The following USPL1 variants were observed in gnomAD, a reference collection of about 807,000 sequenced individuals.
USPL1 encodes ubiquitin specific peptidase like 1.
USPL1 carries 27 observed loss-of-function variants against 51.5 expected under a neutral mutation model. That is an observed-to-expected ratio of 0.52 (90% confidence interval 0.39 to 0.72). The LOEUF (loss-of-function observed/expected upper bound fraction) is 0.72. Among genes scored for constraint, USPL1 ranks in the 30% least tolerant of loss-of-function variants. USPL1 has a pLI of 0.00. For synonymous variants in USPL1, 451 were observed against 459.6 expected, an observed-to-expected ratio of 0.98 and a Z score of 0.24; for missense variants, 1,226 against 1,268.0, an observed-to-expected ratio of 0.97 and a Z score of 0.50.
chr13:30,627,523 C>CT (rs5802579), intron 3 of USPL1, among the ~76,000 whole-genome samples: 47 of 144,378 alleles, frequency 3.3e-4, no homozygotes, highest in South Asian at 1.3e-3. Context: ...CTGTTTTGTT[C>CT]TTTTTTTTTT....
intron 7 of USPL1, among the ~76,000 whole-genome samples, chr13:30,651,512 A>G (rs187799355): frequency 1.8e-4 from 28 of 152,368 alleles, no homozygotes; most frequent in Non-Finnish European, 3.8e-4. Flanking sequence ...GTTATTTATC[A>G]CGTTAATATG....
chr13:30,647,145 C>A (rs1003338066), intron 7 of USPL1, 88 bp downstream of exon 7: 1 of 1,365,126 alleles, frequency 7.3e-7, no homozygotes, highest in Non-Finnish European at 1.0e-6. Context: ...ATGGTGACAA[C>A]AACTTACCTT....
chr13:30,650,574 CAAA>C lies in USPL1; in HGVS notation c.1239-2559_1239-2557del, dbSNP rs34074092. On this transcript the variant is annotated intron_variant, in intron 7 of 8. Transcript: ENST00000255304. ...CCTGGGCAACAGAGTGAGACTGTCT[CAAA>C]AAAAAAAAAAAAAAGAAAGAAATGC... Among the ~76,000 whole-genome samples, 234 of 123,184 alleles carry C rather than the reference CAAA, an allele frequency of 1.9e-3. 2 individuals carry two copies. The highest frequency in any genetic ancestry group is 5.6e-3 in the African/African-American group (196 of 34,858). The allele number at this position is 123,184 out of a possible 152,430, so 80.8% of individuals were successfully genotyped here.
At chr13:30,641,711 G>A (rs939711153) in intron 5 of USPL1, among the ~76,000 whole-genome samples, 1 of 152,198 alleles carries the variant, frequency 6.6e-6, no homozygotes, top group Admixed American at 6.5e-5. Flanking sequence ...TTAAAGGAAA[G>A]GATTAGACTG....
At chr13:30,632,830 A>G (rs1279069072) in intron 4 of USPL1, among the ~76,000 whole-genome samples, 2 of 152,156 alleles carry the variant, frequency 1.3e-5, no homozygotes, top group African/African-American at 4.8e-5. Flanking sequence ...AGTAAAAATC[A>G]CCCATAATCA....
intron 4 of USPL1, 76 bp downstream of exon 4, chr13:30,631,550 G>T (rs1333472270): frequency 1.4e-6 from 2 of 1,391,258 alleles, no homozygotes; most frequent in Non-Finnish European, 1.9e-6. Context: ...ACCCAGGCTG[G>T]AGTGCAGTGG....
chr13:30,643,609 C>CT (rs1950978041), intron 6 of USPL1, among the ~76,000 whole-genome samples: 2 of 130,598 alleles, frequency 1.5e-5, no homozygotes, highest in Admixed American at 7.5e-5. Flanking sequence ...CACCCCCCCC[C>CT]GCCCTTTTTT....
intron 1 of USPL1, among the ~76,000 whole-genome samples, chr13:30,618,555 C>G (rs1192754967): frequency 1.3e-5 from 2 of 152,170 alleles, no homozygotes; most frequent in Admixed American, 1.3e-4. Context: ...ACAGCTGTTT[C>G]CCTGGGTTTC....
intron 3 of USPL1, among the ~76,000 whole-genome samples, chr13:30,627,721 A>G (rs942614662): frequency 6.6e-6 from 1 of 152,092 alleles, no homozygotes; most frequent in African/African-American, 2.4e-5. Flanking sequence ...CAACTTAACC[A>G]TTTTTATGTA....
chr13:30,639,091 CT>C (rs1950911967), intron 5 of USPL1, among the ~76,000 whole-genome samples: 2 of 151,538 alleles, frequency 1.3e-5, no homozygotes, highest in African/African-American at 4.8e-5. Flanking sequence ...TAGTGTGTGC[CT>C]GTAGTTCCAG....
At chr13:30,619,865 G>C (rs1231891812) in intron 1 of USPL1, among the ~76,000 whole-genome samples, 2 of 152,126 alleles carry the variant, frequency 1.3e-5, no homozygotes, top group Non-Finnish European at 2.9e-5. Flanking sequence ...TCACCAGAAG[G>C]GGTGATTTTG....
rs200848326 is a variant in USPL1 at position 30,657,994 on chromosome 13, A to G, written c.1917A>G (p.Pro639=). 2.4e-5 allele frequency: 38 copies of G among 1,613,492 alleles called. 1 individual carries two copies. The Admixed American group carries it at 4.3e-4, about 18-fold the overall frequency. The change falls in exon 9 of 9, where the codon CCA becomes CCG. Residue 639 remains proline, a synonymous_variant. Transcript: ENST00000255304. ...TAATGGCTTCTTCAGTATCAGCTCC[A>G]TGTAATGAAAAGCTTATTCAAGACC... ...ESLMASSVSA[P]CNEKLIQDQF...
At chr13:30,624,933 A>T (rs2137612107) in intron 3 of USPL1, among the ~76,000 whole-genome samples, 1 of 152,064 alleles carries the variant, frequency 6.6e-6, no homozygotes, top group South Asian at 2.1e-4. Flanking sequence ...TCCTTTAAAA[A>T]CCTTTTGTCT....
intron 6 of USPL1, among the ~76,000 whole-genome samples, chr13:30,646,024 G>A (rs995861994): frequency 6.6e-6 from 1 of 152,188 alleles, no homozygotes; most frequent in Non-Finnish European, 1.5e-5. Context: ...GAATTTAGCA[G>A]AAATCAGTGC....
At chr13:30,646,341 C>CTG (rs34162894) in intron 6 of USPL1, among the ~76,000 whole-genome samples, 8 of 150,770 alleles carry the variant, frequency 5.3e-5, no homozygotes, top group African/African-American at 7.3e-5. Flanking sequence ...ACAATTAATG[C>CTG]TGTGTGTGTG....
rs1951241386 is a variant in USPL1, at chr13:30,660,268, C to G, written c.*912C>G. Reference sequence around the variant, plus strand: ...CAGGTGGGACTGGCAGCCTGGCCCTCAGCCTTCAGGCCCTCCCTGTTCATG... The same window carrying G: ...CAGGTGGGACTGGCAGCCTGGCCCTGAGCCTTCAGGCCCTCCCTGTTCATG... On this transcript the variant is annotated 3_prime_UTR_variant, in exon 9 of 9. Coordinates refer to ENST00000255304, the MANE Select transcript of USPL1 (RefSeq NM_005800.5). The G allele has an allele frequency of 6.6e-6, 1 of 152,304 alleles. No individual in the cohort carries two copies. The highest frequency in any genetic ancestry group is 6.5e-5 in the Admixed American group (1 of 15,276). The allele number at this position is 152,304 out of a possible 1,614,324, so 9.4% of individuals were successfully genotyped here.
chr13:30,659,527 C>G lies in USPL1; in HGVS notation c.*171C>G. On this transcript the variant is annotated 3_prime_UTR_variant, in exon 9 of 9. Coordinates refer to ENST00000255304, the MANE Select transcript of USPL1 (RefSeq NM_005800.5). ...CCCATGAAGCATGTAATCTTTCTTA[C>G]ACATTAAAATCACTGAATGTGTTCT... 1 of 566,036 alleles carries G rather than the reference C, an allele frequency of 1.8e-6. No homozygotes were observed. The highest frequency in any genetic ancestry group is 3.7e-5 in the Admixed American group (1 of 27,218). 35.1% of individuals were successfully genotyped at this position (566,036 alleles called of 1,614,324 possible). A position where few individuals can be genotyped will look rare whatever the true frequency, so the allele number is the denominator to read the frequency against.
Position 30,630,920 on chromosome 13 carries a change from A to G in USPL1, c.314A>G (p.Lys105Arg). 5 of 1,614,154 alleles carry G rather than the reference A, an allele frequency of 3.1e-6. No homozygotes were observed. The highest frequency in any genetic ancestry group is 4.2e-6 in the Non-Finnish European group (5 of 1,180,030). Reference sequence around the variant, plus strand: ...TGTCACACTCCACATAAGCCTCAGAAAAGGAAGAGCTTAGAAAGCAGCTAT... The same window carrying G: ...TGTCACACTCCACATAAGCCTCAGAGAAGGAAGAGCTTAGAAAGCAGCTAT... The part of the protein sequence containing the change: ...EECHTPHKPQ[K>R]RKSLESSYKD... Residue 105 changes from lysine (K) to arginine (R), a missense_variant, in exon 4 of 9, where the codon AAA (lysine) becomes AGA (arginine). Transcript: ENST00000255304.
chr13:30,620,839 G>A (rs1476391783), intron 1 of USPL1, among the ~76,000 whole-genome samples: 1 of 152,126 alleles, frequency 6.6e-6, no homozygotes, highest in Non-Finnish European at 1.5e-5. Flanking sequence ...GTTGACAAAT[G>A]AGTCTGCTAT....
Sources: gnomAD v4.1 joint callset for allele counts (sites outside exome capture counted in the v4.1 genomes callset) on GRCh38, gnomAD v4.1.1 for gene constraint, MANE v1.5 for transcripts, NCBI Gene and HGNC (gene_info 2026-07-23, HGNC 2026-07-21) for gene names.